The following RASGEF1C variants were observed in gnomAD, a reference collection of about 807,000 sequenced individuals.
RASGEF1C encodes the protein RasGEF domain family member 1C, also known as ras-GEF domain-containing family member 1C.
RASGEF1C carries 27 observed loss-of-function variants against 58.1 expected under a neutral mutation model. That is an observed-to-expected ratio of 0.46 (90% CI 0.34 to 0.64). The LOEUF (loss-of-function observed/expected upper bound fraction) is 0.64. Among genes scored for constraint, RASGEF1C ranks in the 30% least tolerant of loss-of-function variants. The probability of loss-of-function intolerance (pLI) is 0.01; values close to 1 mark genes in which losing one functional copy is unlikely to be tolerated. For synonymous variants in RASGEF1C, 243 were observed against 246.3 expected (o/e 0.99, Z 0.13); for missense variants, 502 against 605.1 (o/e 0.83, Z 1.79).
intron 1 of RASGEF1C, among the ~76,000 whole-genome samples, chr5:180,179,342 A>G (rs546417218): frequency 4.3e-4 from 65 of 152,212 alleles, no homozygotes; most frequent in African/African-American, 1.6e-3. Context: ...AGCAGCAGGA[A>G]GCCCAGGGAC....
At chr5:180,157,888 G>A (rs1031873577) in intron 1 of RASGEF1C, among the ~76,000 whole-genome samples, 1 of 152,168 alleles carries the variant, frequency 6.6e-6, no homozygotes, top group Non-Finnish European at 1.5e-5. Context: ...TGGTGGATAT[G>A]TGACATTATT....
At position 180,137,466 on chromosome 5, in the gene RASGEF1C, C is replaced by G. The variant is rs780656885; in HGVS notation, c.300+124G>C. The G allele has an allele frequency of 8.8e-6, 12 of 1,358,866 alleles. No homozygotes were observed. Among genetic ancestry groups the G allele is most frequent in the Non-Finnish European group, 1.2e-5 (12 of 989,878 alleles). The allele number at this position is 1,358,866 out of a possible 1,614,324, so 84.2% of individuals were successfully genotyped here. A position where few individuals can be genotyped will look rare whatever the true frequency, so the allele number is the denominator to read the frequency against. On this transcript the variant is annotated intron_variant, in intron 3 of 13. Transcript: ENST00000361132. This position sits in a 1 kb window ranked among gnomAD's most constrained non-coding sequence, Gnocchi z 4.1. ...CTGGGCCTCAGACAAGGTGGAAACA[C>G]CCGGTAGCCACCTTGTCAGGAAAAC...
chr5:180,132,968 A>AG lies in RASGEF1C; in HGVS notation c.438+3409dup, dbSNP rs1377337219. Among the ~76,000 whole-genome samples the AG allele has an allele frequency of 8.7e-3, 1,006 of 115,728 alleles. 4 individuals are homozygous for AG. The highest frequency in any genetic ancestry group is 0.014 in the Non-Finnish European group (776 of 54,078). The allele number at this position is 115,728 out of a possible 152,430, so 75.9% of individuals were successfully genotyped here. On this transcript the variant is annotated intron_variant, in intron 4 of 13. Transcript: ENST00000361132. ...GGGTGACAGAGAGAGACTCCGTCTC[A>AG]GAAAAAAAAAAAAAAAAAAAGCAAG... is the stretch of plus-strand genomic sequence containing the variant.
intron 6 of RASGEF1C, 44 bp from the exon 7 acceptor site, chr5:180,121,193 GTCTATCA>G (rs769027490): frequency 1.5e-6 from 2 of 1,356,022 alleles, no homozygotes; most frequent in African/African-American, 2.9e-5. Flanking sequence ...GAGCCTTTTT[GTCTATCA>G]TCTTTTAGAG....
At chr5:180,104,761 T>C (rs778581269) in intron 12 of RASGEF1C, among the ~76,000 whole-genome samples, 1 of 152,266 alleles carries the variant, frequency 6.6e-6, no homozygotes, top group East Asian at 1.9e-4. Flanking sequence ...TATTTAATAG[T>C]CACAGGGCTA....
intron 1 of RASGEF1C, among the ~76,000 whole-genome samples, chr5:180,176,404 C>G (rs1767225735): frequency 6.6e-6 from 1 of 152,246 alleles, no homozygotes; most frequent in African/African-American, 2.4e-5. Context: ...CTGGCCAAGT[C>G]TCTGCTGCTC....
At chr5:180,157,712 G>A (rs1766874225) in intron 1 of RASGEF1C, among the ~76,000 whole-genome samples, 1 of 151,528 alleles carries the variant, frequency 6.6e-6, no homozygotes, top group Middle Eastern at 3.2e-3. Flanking sequence ...AGCAAAAGAA[G>A]CCAATCTGAA....
chr5:180,196,427 G>A (rs1412323934), intron 1 of RASGEF1C, among the ~76,000 whole-genome samples: 2 of 149,422 alleles, frequency 1.3e-5, no homozygotes, highest in Admixed American at 6.7e-5. Context: ...CTTGAATCCA[G>A]CAGGAGGAGG....
chr5:180,109,383 G>T (rs902590912), intron 12 of RASGEF1C, among the ~76,000 whole-genome samples: 3 of 152,100 alleles, frequency 2.0e-5, no homozygotes, highest in Non-Finnish European at 2.9e-5. Context: ...TCGTGAACCC[G>T]GGAGGCGGAG....
Position 180,154,894 on chromosome 5 carries a change from T to A in RASGEF1C, c.-6-16836A>T, listed in dbSNP as rs1374400711. 2.0e-5 allele frequency among the ~76,000 whole-genome samples: 3 copies of A among 152,288 alleles called. No individual in the cohort carries two copies. In the East Asian group the frequency reaches 5.8e-4, roughly 29 times the overall value. On this transcript the variant is annotated intron_variant, in intron 1 of 13. Transcript: ENST00000361132. The stretch of plus-strand genomic sequence containing the variant: ...CCACGCCCGGCCCACCCTGGACTCT[T>A]GACTCCAGGCCCAGCTCCTGGCCCT...
chr5:180,141,418 G>T (rs1000637455), intron 1 of RASGEF1C, among the ~76,000 whole-genome samples: 2 of 152,196 alleles, frequency 1.3e-5, no homozygotes, highest in African/African-American at 4.8e-5. Flanking sequence ...GCGGCAACAC[G>T]GATGACCTTG....
intron 12 of RASGEF1C, among the ~76,000 whole-genome samples, chr5:180,105,431 G>A (rs926259220): frequency 1.3e-5 from 2 of 151,668 alleles, no homozygotes; most frequent in East Asian, 1.9e-4. Context: ...GTGTGGTGGC[G>A]GGCGCCTGTA....
intron 1 of RASGEF1C, among the ~76,000 whole-genome samples, chr5:180,173,900 G>T (rs531182532): frequency 9.7e-4 from 125 of 128,374 alleles, no homozygotes; most frequent in African/African-American, 3.6e-3. Flanking sequence ...GCAACAGAGC[G>T]AGACTGTCTC....
chr5:180,112,840 T>TGGAGGGACCAAGGATGGAC (rs1427318680), intron 11 of RASGEF1C, among the ~76,000 whole-genome samples: 2 of 151,704 alleles, frequency 1.3e-5, no homozygotes, highest in African/African-American at 4.8e-5. Flanking sequence ...TGAGGATGGA[T>TGGAGGGACCAAGGATGGAC]GGAGGGACCA....
chr5:180,124,169 T>G (rs1766218379), intron 6 of RASGEF1C, among the ~76,000 whole-genome samples: 1 of 150,676 alleles, frequency 6.6e-6, no homozygotes, highest in African/African-American at 2.5e-5. Flanking sequence ...GAGGCAGAGC[T>G]CGCAGTGAGC....
At chr5:180,207,627 C>CTTGCCTGTCCGTCTG (rs1561761981) in intron 1 of RASGEF1C, among the ~76,000 whole-genome samples, 2 of 30,108 alleles carry the variant, frequency 6.6e-5, no homozygotes, top group East Asian at 2.9e-3. Context: ...CCGTCCCTCT[C>CTTGCCTGTCCGTCTG]TCGCCTGCCC....
At chr5:180,108,636 G>A (rs918052505) in intron 12 of RASGEF1C, among the ~76,000 whole-genome samples, 3 of 152,028 alleles carry the variant, frequency 2.0e-5, no homozygotes, top group African/African-American at 4.8e-5. Flanking sequence ...CTCAGTTATT[G>A]TATTTTTCAG....
intron 1 of RASGEF1C, among the ~76,000 whole-genome samples, chr5:180,165,509 C>T (rs1039769940): frequency 1.3e-5 from 2 of 151,524 alleles, no homozygotes; most frequent in Non-Finnish European, 2.9e-5. Context: ...ATCCTTACTA[C>T]AAATACAAAA....
At chr5:180,176,928 C>T (rs1581121652) in intron 1 of RASGEF1C, among the ~76,000 whole-genome samples, 2 of 152,192 alleles carry the variant, frequency 1.3e-5, no homozygotes, top group East Asian at 1.9e-4. Flanking sequence ...CTGCGTGGTG[C>T]CAGCCGTCAG....
Sources: allele counts gnomAD v4.1 joint callset (sites outside exome capture counted in the v4.1 genomes callset), GRCh38; gene constraint gnomAD v4.1.1; non-coding constraint Gnocchi (gnomAD v3.1); transcripts MANE v1.5; gene names NCBI Gene and HGNC (gene_info 2026-07-23, HGNC 2026-07-21).